The following RAD51B variants were observed in gnomAD, a reference collection of about 807,000 sequenced individuals.
RAD51B encodes RAD51 paralog B, also known as DNA repair protein RAD51 homolog 2.
In RAD51B, 38 loss-of-function variants were observed where a neutral mutation model predicts 42.2. The observed-to-expected ratio is 0.90, with a 90% confidence interval of 0.70 to 1.18. The LOEUF is 1.18. Among genes scored for constraint, RAD51B ranks in the 50% most tolerant of loss-of-function variants. The pLI, the probability that RAD51B is intolerant of heterozygous loss-of-function variation, is 0.00. For synonymous variants in RAD51B, 154 were observed against 145.2 expected (o/e 1.06, Z -0.43); for missense variants, 373 against 400.7 (o/e 0.93, Z 0.59).
intron 10 of RAD51B, among the ~76,000 whole-genome samples, chr14:68,584,418 A>G (rs1890358321): frequency 6.6e-6 from 1 of 152,096 alleles, no homozygotes; most frequent in African/African-American, 2.4e-5. Context: ...CATTAATCTT[A>G]AGGAAGCAGG....
chr14:67,973,161 C>T (rs2074929981), intron 7 of RAD51B, among the ~76,000 whole-genome samples: 1 of 152,086 alleles, frequency 6.6e-6, no homozygotes, highest in Non-Finnish European at 1.5e-5. Flanking sequence ...TCTGGCTCTA[C>T]CTTTGACTTT....
intron 10 of RAD51B, among the ~76,000 whole-genome samples, chr14:68,644,869 A>C (rs1892533744): frequency 6.6e-6 from 1 of 152,220 alleles, no homozygotes; most frequent in Non-Finnish European, 1.5e-5. Flanking sequence ...ATCAGTACTC[A>C]GGAAGAACCA....
At chr14:68,577,483 T>C (rs1169178049) in intron 10 of RAD51B, among the ~76,000 whole-genome samples, 2 of 151,528 alleles carry the variant, frequency 1.3e-5, no homozygotes, top group African/African-American at 4.9e-5. Context: ...GTGCTTTTAC[T>C]CATTATTCAT....
chr14:68,014,111 G>A (rs943431563), intron 7 of RAD51B, among the ~76,000 whole-genome samples: 6 of 151,648 alleles, frequency 4.0e-5, no homozygotes, highest in Admixed American at 6.6e-5. Context: ...TTAGTAATTT[G>A]CGTTATTTTT....
At chr14:67,863,531 C>T (rs1210727221) in intron 4 of RAD51B, among the ~76,000 whole-genome samples, 1 of 152,114 alleles carries the variant, frequency 6.6e-6, no homozygotes, top group Admixed American at 6.6e-5. Context: ...CTTATTTCTT[C>T]CTACTTCATA....
intron 7 of RAD51B, among the ~76,000 whole-genome samples, chr14:67,961,685 G>T (rs1045591985): frequency 5.9e-5 from 9 of 152,202 alleles, no homozygotes; most frequent in African/African-American, 2.2e-4. Context: ...CCGTTTCCTT[G>T]CTTAGACAAA....
intron 7 of RAD51B, among the ~76,000 whole-genome samples, chr14:68,013,952 C>G (rs1186556420): frequency 6.6e-6 from 1 of 152,080 alleles, no homozygotes. Context: ...GATAATAATG[C>G]AGGACTGACT....
chr14:67,917,290 C>T (rs2044183891), intron 7 of RAD51B, among the ~76,000 whole-genome samples: 1 of 152,192 alleles, frequency 6.6e-6, no homozygotes, highest in South Asian at 2.1e-4. Context: ...AGCATGGCAC[C>T]AGCATCTGCT....
chr14:68,510,239 G>A (rs1359515408), intron 10 of RAD51B, among the ~76,000 whole-genome samples: 1 of 152,162 alleles, frequency 6.6e-6, no homozygotes, highest in Non-Finnish European at 1.5e-5. Context: ...GAAGAAGTGA[G>A]GTCTCTGATT....
chr14:67,974,263 A>G (rs995038123), intron 7 of RAD51B, among the ~76,000 whole-genome samples: 8 of 152,100 alleles, frequency 5.3e-5, no homozygotes, highest in Admixed American at 2.6e-4. Flanking sequence ...CAATGAAGAG[A>G]TACTATCCAG....
At chr14:68,185,294 C>T (rs1595523807) in intron 7 of RAD51B, among the ~76,000 whole-genome samples, 1 of 152,062 alleles carries the variant, frequency 6.6e-6, no homozygotes, top group African/African-American at 2.4e-5. Context: ...TTAGATTTAG[C>T]CTTAAAGAAA....
intron 7 of RAD51B, among the ~76,000 whole-genome samples, chr14:68,068,634 G>A (rs1043439520): frequency 6.6e-5 from 10 of 152,254 alleles, no homozygotes; most frequent in Middle Eastern, 3.4e-3. Flanking sequence ...GTATAGCTGG[G>A]TGTTTACTTC....
intron 7 of RAD51B, among the ~76,000 whole-genome samples, chr14:68,206,766 A>G (rs1220280933): frequency 8.0e-6 from 1 of 125,614 alleles, no homozygotes; most frequent in Non-Finnish European, 1.7e-5. Context: ...GAAATCACCC[A>G]TTTTCCCAAG....
At chr14:68,506,009 G>T (rs546316683) in intron 10 of RAD51B, among the ~76,000 whole-genome samples, 2 of 152,202 alleles carry the variant, frequency 1.3e-5, no homozygotes, top group African/African-American at 4.8e-5. Context: ...AGGGATAGTG[G>T]CCACTTGGGG....
intron 7 of RAD51B, among the ~76,000 whole-genome samples, chr14:68,218,789 A>G (rs2079866869): frequency 6.6e-6 from 1 of 152,258 alleles, no homozygotes; most frequent in African/African-American, 2.4e-5. Context: ...AATTTTCAGT[A>G]TAACTGGAAG....
At chr14:68,486,245 A>C (rs1883613510) in intron 10 of RAD51B, among the ~76,000 whole-genome samples, 1 of 152,214 alleles carries the variant, frequency 6.6e-6, no homozygotes, top group Non-Finnish European at 1.5e-5. Flanking sequence ...CTAGAATTGC[A>C]ACATTTCCCT....
intron 7 of RAD51B, among the ~76,000 whole-genome samples, chr14:68,237,153 A>T (rs546693260): frequency 8.3e-4 from 126 of 152,278 alleles, no homozygotes; most frequent in Non-Finnish European, 1.6e-3. Context: ...TGTGGAGCCA[A>T]CTCAGGGCTT....
chr14:68,618,558 C>T (rs931099809), intron 10 of RAD51B, among the ~76,000 whole-genome samples: 1 of 152,146 alleles, frequency 6.6e-6, no homozygotes, highest in Non-Finnish European at 1.5e-5. Flanking sequence ...TCCCCTAAAT[C>T]CTGTCCATAG....
chr14:68,614,599 T>A (rs1316751157), downstream of RAD51B, among the ~76,000 whole-genome samples: 1 of 152,246 alleles, frequency 6.6e-6, no homozygotes, highest in Non-Finnish European at 1.5e-5. Flanking sequence ...TTCATATAAA[T>A]GGAATTATAC....
Sources: allele counts gnomAD v4.1 joint callset (sites outside exome capture counted in the v4.1 genomes callset), GRCh38; gene constraint gnomAD v4.1.1; transcripts MANE v1.5; gene names NCBI Gene and HGNC (gene_info 2026-07-23, HGNC 2026-07-21).